The following TUBGCP3 variants were observed in gnomAD, a reference collection of about 807,000 sequenced individuals.
The protein encoded by TUBGCP3 is tubulin gamma complex component 3, also known as gamma-tubulin complex component 3.
A neutral mutation model predicts 123.1 loss-of-function variants in TUBGCP3; 50 were observed. The observed-to-expected ratio is 0.41, with a 90% CI of 0.32 to 0.51. The LOEUF is 0.51. Among genes scored for constraint, TUBGCP3 ranks in the 20% least tolerant of loss-of-function variants. The pLI is 0.36. For synonymous variants in TUBGCP3, 405 were observed against 413.9 expected (o/e 0.98, Z 0.26); for missense variants, 882 against 1,127.0 (o/e 0.78, Z 3.11).
chr13:112,571,868 T>C (rs547621419), intron 1 of TUBGCP3, among the ~76,000 whole-genome samples: 2 of 152,338 alleles, frequency 1.3e-5, no homozygotes, highest in African/African-American at 4.8e-5. Flanking sequence ...TTCAGTCTCA[T>C]GAACTAAAAA....
intron 17 of TUBGCP3, among the ~76,000 whole-genome samples, chr13:112,505,652 CAT>C (rs1460094358): frequency 6.6e-6 from 1 of 152,236 alleles, no homozygotes; most frequent in Non-Finnish European, 1.5e-5. Flanking sequence ...TGGTTTAACA[CAT>C]GACAGCTTCG....
chr13:112,533,751 T>A (rs118164684), intron 11 of TUBGCP3, among the ~76,000 whole-genome samples: 1 of 149,914 alleles, frequency 6.7e-6, no homozygotes, highest in Non-Finnish European at 1.5e-5. Context: ...TGACTTGATA[T>A]TCAGTTTGGA....
In TUBGCP3 at chr13:112,519,004, C is replaced by A; in HGVS notation, c.1921G>T (p.Asp641Tyr). 1 of 1,614,026 alleles carries A rather than the reference C, an allele frequency of 6.2e-7. No homozygotes were observed. The highest frequency in any genetic ancestry group is 1.1e-5 in the South Asian group (1 of 91,072). ...GDTGWDVFSL[D>Y]YHVDGPIATV... Reference sequence around the variant, plus strand: ...GCAATTGGTCCGTCAACATGATAATCGAGGCTGAAGACATCCCATCCAGTG... The same window carrying A: ...GCAATTGGTCCGTCAACATGATAATAGAGGCTGAAGACATCCCATCCAGTG... The change falls in exon 16 of 22, where the codon GAT becomes TAT. Residue 641 changes from aspartate (D) to tyrosine (Y), a missense_variant. Physicochemically the swap from Asp to Tyr is radical, Grantham distance 160. Transcript: ENST00000261965. This position sits in a 1 kb window ranked among gnomAD's most constrained non-coding sequence, Gnocchi z 6.2.
In TUBGCP3 at chr13:112,519,928, G is replaced by C; in HGVS notation, c.1839C>G (p.Asp613Glu). ...TAVRATNAQF[D>E]SPEILRRLDV... ...CCAGCCTTCGCAGGATCTCAGGACT[G>C]TCAAACTGTGCGTTGGTGGCTCTGA... Residue 613 changes from aspartate (D) to glutamate (E), a missense_variant, in exon 15 of 22, where the codon GAC becomes GAG. Asp to Glu is a conservative substitution (Grantham distance 45). Coordinates refer to ENST00000261965, the MANE Select transcript of TUBGCP3 (RefSeq NM_006322.6). The surrounding 1 kb of genome is among the most constrained non-coding windows in gnomAD (Gnocchi z 6.2). The C allele has an allele frequency of 6.2e-7, 1 of 1,614,036 alleles. No individual in the cohort carries two copies. The highest frequency in any genetic ancestry group is 1.1e-5 in the South Asian group (1 of 91,074).
chr13:112,541,270 G>A (rs2139149907), intron 11 of TUBGCP3, among the ~76,000 whole-genome samples: 1 of 152,306 alleles, frequency 6.6e-6, no homozygotes, highest in South Asian at 2.1e-4. Context: ...GGCCAGGCGT[G>A]GTGGCTCTCG....
At position 112,519,838 on chromosome 13, in the gene TUBGCP3, G is replaced by T; in HGVS notation, c.1881+48C>A. The T allele has an allele frequency of 6.3e-7, 1 of 1,591,554 alleles. No individual in the cohort carries two copies. Among genetic ancestry groups the T allele is most frequent in the Non-Finnish European group, 8.6e-7 (1 of 1,167,110 alleles). On this transcript the variant is annotated intron_variant, in intron 15 of 21. Transcript: ENST00000261965. This position sits in a 1 kb window ranked among gnomAD's most constrained non-coding sequence, Gnocchi z 6.2. ...ACTCGCTAGAACACCCCGGCCCAGT[G>T]GGTCCTCGGTGCCGGGGCGGCGTTC...
chr13:112,517,742 T>C (rs970736405), intron 16 of TUBGCP3, among the ~76,000 whole-genome samples: 5 of 152,050 alleles, frequency 3.3e-5, no homozygotes, highest in African/African-American at 7.2e-5. Context: ...AATACAAAAA[T>C]TAGCCAGACA....
chr13:112,517,299 T>C (rs1876218081), intron 16 of TUBGCP3, among the ~76,000 whole-genome samples: 1 of 152,226 alleles, frequency 6.6e-6, no homozygotes, highest in Admixed American at 6.5e-5. Context: ...ATAAACTTTT[T>C]TCCTCGAGTC....
chr13:112,489,692 C>A lies in TUBGCP3; in HGVS notation c.2454G>T (p.Gln818His). The change falls in exon 21 of 22, where the codon CAG becomes CAT. Residue 818 changes from glutamine to histidine, a missense_variant. By Grantham distance (24) the Gln-to-His change is conservative. Around this residue, in one of 3 missense-constraint regions of TUBGCP3, gnomAD observed 160 missense variants for 220.3 expected, o/e 0.73. Transcript: ENST00000261965. ...EKKKQREIEG[Q>H]WGVTAAEEEE... is the part of the protein sequence containing the mutation. Reference sequence around the variant, plus strand: ...CTTCCTCTGCTGCCGTCACTCCCCACTGGCCCTGAACAATCAAAAGTACCA... The same window carrying A: ...CTTCCTCTGCTGCCGTCACTCCCCAATGGCCCTGAACAATCAAAAGTACCA... 1 of 1,613,360 alleles carries A rather than the reference C, an allele frequency of 6.2e-7. No homozygotes were observed.
intron 17 of TUBGCP3, among the ~76,000 whole-genome samples, chr13:112,510,467 A>C (rs893491909): frequency 1.3e-5 from 2 of 152,176 alleles, no homozygotes; most frequent in Admixed American, 1.3e-4. Context: ...ATTTTTCTCA[A>C]GACTAAGGAT....
chr13:112,595,129 G>A, the TUBGCP3 span, among the ~76,000 whole-genome samples: 11 of 152,150 alleles, frequency 7.2e-5, no homozygotes, highest in Non-Finnish European at 1.3e-4. Flanking sequence ...ATCAATTGGC[G>A]GGAAAGGAGA....
intron 1 of TUBGCP3, among the ~76,000 whole-genome samples, chr13:112,572,346 T>G (rs1242680035): frequency 6.6e-6 from 1 of 152,212 alleles, no homozygotes; most frequent in Non-Finnish European, 1.5e-5. Context: ...TGTGGCAGGT[T>G]TGTTACATAG....
chr13:112,518,873 C>A, intron 16 of TUBGCP3, 102 bp downstream of exon 16: 1 of 962,294 alleles, frequency 1.0e-6, no homozygotes. Flanking sequence ...GTCGAGTGAT[C>A]ACTTGAATTA....
upstream of TUBGCP3, among the ~76,000 whole-genome samples, chr13:112,590,874 G>A (rs953726966): frequency 6.6e-6 from 1 of 152,174 alleles, no homozygotes; most frequent in African/African-American, 2.4e-5. Context: ...CTTCACCTAA[G>A]ATCAGCCCTT....
chr13:112,489,482 T>G, intron 21 of TUBGCP3, 99 bp downstream of exon 21: 1 of 846,318 alleles, frequency 1.2e-6, no homozygotes, highest in Non-Finnish European at 2.0e-6. Context: ...AGTGTCAGAC[T>G]GACAGGGCTG....
chr13:112,523,018 C>A (rs150904784), intron 13 of TUBGCP3, among the ~76,000 whole-genome samples: 2 of 152,256 alleles, frequency 1.3e-5, no homozygotes, highest in East Asian at 1.9e-4. Flanking sequence ...AATAAAGACG[C>A]CTGACTCTAA....
intron 1 of TUBGCP3, among the ~76,000 whole-genome samples, chr13:112,577,870 T>C (rs914641537): frequency 1.3e-5 from 2 of 152,168 alleles, no homozygotes; most frequent in Non-Finnish European, 2.9e-5. Flanking sequence ...AAACTTTTAG[T>C]CTTCAAGATA....
chr13:112,547,554 TGGGAAAGTCGCGC>T, intron 10 of TUBGCP3, 53 bp downstream of exon 10: 1 of 1,249,680 alleles, frequency 8.0e-7, no homozygotes, highest in Non-Finnish European at 1.0e-6. Context: ...AAGTCGCGCG[TGGGAAAGTCGCGC>T]GTGGGAAAGT....
intron 11 of TUBGCP3, among the ~76,000 whole-genome samples, chr13:112,529,567 C>T (rs567925277): frequency 7.1e-4 from 108 of 152,244 alleles, no homozygotes; most frequent in African/African-American, 2.3e-3. Context: ...CTCTTCAAGC[C>T]GCTCCTGCGT....
Sources: gnomAD v4.1 joint callset for allele counts (sites outside exome capture counted in the v4.1 genomes callset) on GRCh38, gnomAD v4.1.1 for gene constraint, gnomAD v4.1.1 regional missense constraint, Gnocchi (gnomAD v3.1) non-coding constraint, MANE v1.5 for transcripts, NCBI Gene and HGNC (gene_info 2026-07-23, HGNC 2026-07-21) for gene names.